TNFRSF19: variants seen among roughly 807,000 people sequenced by gnomAD.
TNFRSF19 encodes the protein tumor necrosis factor receptor superfamily member 19.
TNFRSF19 carries 27 observed loss-of-function variants against 46.4 expected under a neutral mutation model. That is an observed-to-expected ratio of 0.58 (90% CI 0.43 to 0.80). The LOEUF is 0.80. Among genes scored for constraint, TNFRSF19 ranks in the 30% least tolerant of loss-of-function variants. The pLI is 0.00. For synonymous variants in TNFRSF19, 204 were observed against 205.0 expected, an observed-to-expected ratio of 1.00 and a Z score of 0.04; for missense variants, 511 against 530.8, an observed-to-expected ratio of 0.96 and a Z score of 0.37.
chr13:23,605,507 G>A (rs1880451352), intron 3 of TNFRSF19, among the ~76,000 whole-genome samples: 1 of 152,162 alleles, frequency 6.6e-6, no homozygotes, highest in African/African-American at 2.4e-5. Flanking sequence ...ACAGATACCT[G>A]CACACAGATA....
chr13:23,591,618 G>A (rs1312122271), intron 2 of TNFRSF19, among the ~76,000 whole-genome samples: 1 of 152,012 alleles, frequency 6.6e-6, no homozygotes, highest in African/African-American at 2.4e-5. Flanking sequence ...GTCTCTCTGT[G>A]GTGGAAGGGA....
At chr13:23,609,244 AT>A (rs1220131058) in intron 3 of TNFRSF19, among the ~76,000 whole-genome samples, 2 of 152,142 alleles carry the variant, frequency 1.3e-5, no homozygotes, top group African/African-American at 4.8e-5. Context: ...ATAATTCAGA[AT>A]ATTTTTCCTA....
chr13:23,607,570 CT>C (rs1880599786), intron 3 of TNFRSF19, among the ~76,000 whole-genome samples: 1 of 152,014 alleles, frequency 6.6e-6, no homozygotes, highest in Non-Finnish European at 1.5e-5. Context: ...AAACATAAAA[CT>C]TTTTAAAGTT....
At chr13:23,641,918 CTTATA>C (rs1223023163) in intron 5 of TNFRSF19, among the ~76,000 whole-genome samples, 1 of 152,174 alleles carries the variant, frequency 6.6e-6, no homozygotes, top group Non-Finnish European at 1.5e-5. Context: ...GCTCAGTACA[CTTATA>C]TTAGCCTACA....
At chr13:23,577,548 T>C (rs1566157144) in intron 1 of TNFRSF19, among the ~76,000 whole-genome samples, 2 of 152,164 alleles carry the variant, frequency 1.3e-5, no homozygotes. Context: ...CAGGACACAA[T>C]GGGCAAGTGC....
At chr13:23,647,310 C>T (rs1288280288) in intron 5 of TNFRSF19, among the ~76,000 whole-genome samples, 1 of 152,088 alleles carries the variant, frequency 6.6e-6, no homozygotes, top group Non-Finnish European at 1.5e-5. Context: ...CTATTGTTTT[C>T]TTCTGTTTTC....
chr13:23,599,029 T>C (rs77713766), intron 3 of TNFRSF19, among the ~76,000 whole-genome samples: 10,408 of 152,328 alleles, frequency 0.068, 456 homozygotes, highest in South Asian at 0.11. Context: ...TTCTGATAGA[T>C]AGCGTTTCTC....
rs148551707 is a variant in TNFRSF19 at position 23,582,879 on chromosome 13, A to G, written c.-34-7271A>G. Among the ~76,000 whole-genome samples, 405 of 152,304 alleles carry G rather than the reference A, an allele frequency of 2.7e-3. 2 individuals carry two copies. Among genetic ancestry groups the G allele is most frequent in the African/African-American group, 9.1e-3 (377 of 41,564 alleles). ...AATAATTATTTTGAGTTTCATCCACATTATTACAGGTATCAAAAGTTAAAT... is the reference window on the plus strand; with the variant it reads ...AATAATTATTTTGAGTTTCATCCACGTTATTACAGGTATCAAAAGTTAAAT... On this transcript the variant is annotated intron_variant, in intron 1 of 9. Transcript: ENST00000248484.
In TNFRSF19 at chr13:23,625,416, C is replaced by T. The variant is rs892203615; in HGVS notation, c.360-1291C>T. ...CTATCTCAGCTCACTACAAGCTCCA[C>T]CTCCCGGGTTCACGCCATTCTCCTG... On this transcript the variant is annotated intron_variant, in intron 4 of 9. Coordinates refer to ENST00000248484, the MANE Select transcript of TNFRSF19 (RefSeq NM_148957.4). Among the ~76,000 whole-genome samples the T allele has an allele frequency of 2.0e-5, 3 of 149,850 alleles. No individual in the cohort carries two copies. The Admixed American group carries it at 2.0e-4, about 10-fold the overall frequency.
chr13:23,617,104 A>G (rs1881352111), intron 4 of TNFRSF19, among the ~76,000 whole-genome samples: 1 of 152,002 alleles, frequency 6.6e-6, no homozygotes, highest in East Asian at 1.9e-4. Flanking sequence ...CGAGGCACGG[A>G]GCCAAGCAGA....
At chr13:23,643,661 T>C (rs1342205065) in intron 5 of TNFRSF19, among the ~76,000 whole-genome samples, 1 of 152,222 alleles carries the variant, frequency 6.6e-6, no homozygotes, top group African/African-American at 2.4e-5. Flanking sequence ...AAAACAATGA[T>C]GGGCAGGCAG....
chr13:23,663,969 T>C (rs1170054056), intron 7 of TNFRSF19, among the ~76,000 whole-genome samples: 1 of 152,180 alleles, frequency 6.6e-6, no homozygotes, highest in East Asian at 1.9e-4. Flanking sequence ...TTTAATATTT[T>C]GGGTGGTTTT....
At chr13:23,572,750 T>A (rs1593220892) in intron 1 of TNFRSF19, among the ~76,000 whole-genome samples, 1 of 152,200 alleles carries the variant, frequency 6.6e-6, no homozygotes, top group South Asian at 2.1e-4. Flanking sequence ...GATGGTTGTA[T>A]CTGAAGGTAC....
At chr13:23,596,530 C>T (rs1049880239) in intron 3 of TNFRSF19, among the ~76,000 whole-genome samples, 2 of 152,070 alleles carry the variant, frequency 1.3e-5, no homozygotes, top group African/African-American at 4.8e-5. Context: ...ATCAATGCAA[C>T]AAGAGGAATG....
chr13:23,653,539 A>G (rs1227541345), intron 5 of TNFRSF19, among the ~76,000 whole-genome samples: 1 of 152,218 alleles, frequency 6.6e-6, no homozygotes, highest in Admixed American at 6.5e-5. Context: ...AGGTGGTGAC[A>G]TTGCGGAAGG....
chr13:23,596,957 C>T (rs557877531), intron 3 of TNFRSF19, among the ~76,000 whole-genome samples: 1 of 152,268 alleles, frequency 6.6e-6, no homozygotes, highest in South Asian at 2.1e-4. Context: ...CTCAAAGCCG[C>T]ACAACTACAT....
chr13:23,575,764 T>C (rs187708432), intron 1 of TNFRSF19, among the ~76,000 whole-genome samples: 1 of 152,328 alleles, frequency 6.6e-6, no homozygotes, highest in Admixed American at 6.5e-5. Context: ...CAAGGAATAG[T>C]GATTTACACT....
chr13:23,599,895 G>T (rs369302370), intron 3 of TNFRSF19, among the ~76,000 whole-genome samples: 4 of 151,016 alleles, frequency 2.6e-5, no homozygotes, highest in Non-Finnish European at 5.9e-5. Flanking sequence ...TGGCCAAGAG[G>T]GGGGGTCCAT....
intron 5 of TNFRSF19, among the ~76,000 whole-genome samples, chr13:23,636,888 G>A (rs146428476): frequency 2.0e-5 from 3 of 152,090 alleles, no homozygotes; most frequent in African/African-American, 7.2e-5. Flanking sequence ...GAAATAGTGT[G>A]GCTTTTCACC....
Sources: allele counts gnomAD v4.1 joint callset (sites outside exome capture counted in the v4.1 genomes callset), GRCh38; gene constraint gnomAD v4.1.1; transcripts MANE v1.5; gene names NCBI Gene and HGNC (gene_info 2026-07-23, HGNC 2026-07-21).